Variants in GALNT10 observed in about 807,000 individuals in gnomAD.
The protein encoded by GALNT10 is polypeptide N-acetylgalactosaminyltransferase 10.
In GALNT10, 41 loss-of-function variants were observed where a neutral mutation model predicts 75.0. That is an observed-to-expected ratio of 0.55 (90% CI 0.43 to 0.71). The LOEUF (loss-of-function observed/expected upper bound fraction) is 0.71. Among genes scored for constraint, GALNT10 ranks in the 30% least tolerant of loss-of-function variants. The probability of loss-of-function intolerance (pLI) is 0.00; values close to 1 mark genes in which losing one functional copy is unlikely to be tolerated. For missense variants in GALNT10, 727 were observed against 818.5 expected, an observed-to-expected ratio of 0.89 and a Z score of 1.36; for synonymous variants, 302 against 313.0, an observed-to-expected ratio of 0.96 and a Z score of 0.37.
At chr5:154,296,957 C>A (rs1426369898) in intron 2 of GALNT10, among the ~76,000 whole-genome samples, 1 of 152,194 alleles carries the variant, frequency 6.6e-6, no homozygotes, top group Non-Finnish European at 1.5e-5. Flanking sequence ...CAGCTTGCAC[C>A]TTCCTGGAAA....
intron 1 of GALNT10, among the ~76,000 whole-genome samples, chr5:154,215,676 A>G (rs994427938): frequency 1.3e-5 from 2 of 152,204 alleles, no homozygotes; most frequent in Non-Finnish European, 2.9e-5. Context: ...GAATACTGTC[A>G]TGGTTAAAAA....
At chr5:154,386,803 G>A (rs967703950) in intron 7 of GALNT10, 22 of 440,332 alleles carry the variant, frequency 5.0e-5, no homozygotes, top group Non-Finnish European at 7.6e-5. Flanking sequence ...AACAGGATAC[G>A]TAGGCCTAGA....
At chr5:154,366,802 A>G (rs1405468782) in intron 4 of GALNT10, among the ~76,000 whole-genome samples, 6 of 152,230 alleles carry the variant, frequency 3.9e-5, no homozygotes, top group Non-Finnish European at 1.5e-5. Context: ...AAGCAATGCA[A>G]TGATAGTCCT....
chr5:154,253,706 C>CT lies in GALNT10; in HGVS notation c.160-41085dup, dbSNP rs33933907. The stretch of plus-strand genomic sequence containing the variant: ...CTTTTCTAACTTCATAAAGCCTCCT[C>CT]TTTTTTTTTTTTTTTTTTTTTTTTT... On this transcript the variant is annotated intron_variant, in intron 1 of 11. Coordinates refer to ENST00000297107, the MANE Select transcript of GALNT10 (RefSeq NM_198321.4). Among the ~76,000 whole-genome samples the CT allele has an allele frequency of 6.1e-3, 445 of 72,488 alleles. 1 individual carries two copies. The highest frequency in any genetic ancestry group is 9.8e-3 in the Middle Eastern group (1 of 102). 47.6% of individuals were successfully genotyped at this position (72,488 alleles called of 152,430 possible).
chr5:154,404,360 A>G (rs898688866), intron 8 of GALNT10, 149 bp downstream of exon 8: 1 of 580,074 alleles, frequency 1.7e-6, no homozygotes, highest in Non-Finnish European at 3.1e-6. Flanking sequence ...GATTTAAAAG[A>G]ACTCCCTTAA....
intron 1 of GALNT10, among the ~76,000 whole-genome samples, chr5:154,276,934 G>A (rs1229303219): frequency 6.6e-6 from 1 of 152,134 alleles, no homozygotes; most frequent in Non-Finnish European, 1.5e-5. Flanking sequence ...AAACAGTTCT[G>A]TTTCTATTTT....
chr5:154,256,358 T>G (rs1753613208), intron 1 of GALNT10, among the ~76,000 whole-genome samples: 1 of 151,598 alleles, frequency 6.6e-6, no homozygotes, highest in African/African-American at 2.4e-5. Flanking sequence ...TTTTTGTTTT[T>G]TTTTTTTTAA....
At chr5:154,249,642 A>G (rs550737652) in intron 1 of GALNT10, among the ~76,000 whole-genome samples, 14 of 152,252 alleles carry the variant, frequency 9.2e-5, no homozygotes, top group Admixed American at 7.9e-4. Flanking sequence ...AACTGTGGTC[A>G]GGGCCAAGAC....
intron 3 of GALNT10, among the ~76,000 whole-genome samples, chr5:154,319,453 C>T (rs914172681): frequency 6.6e-6 from 1 of 152,192 alleles, no homozygotes; most frequent in Non-Finnish European, 1.5e-5. Context: ...TAAATAAATA[C>T]TACCTGGATT....
At chr5:154,379,728 C>G (rs1185968892) in intron 5 of GALNT10, among the ~76,000 whole-genome samples, 1 of 152,242 alleles carries the variant, frequency 6.6e-6, no homozygotes, top group African/African-American at 2.4e-5. Flanking sequence ...CCATCTAAGT[C>G]AAGACCCCCC....
chr5:154,191,018 C>A lies in GALNT10; in HGVS notation c.152C>A (p.Ala51Glu). ...TCGGGGGCGGCGGTGGCGCCGGCGG[C>A]GGGACAGGTGAGTCCCCCCGTTGCT... ...GGSGAAVAPA[A>E]GQGSHSRQKK... Residue 51 changes from alanine (A) to glutamate (E), a missense_variant, in exon 1 of 12, where the codon GCG (alanine) becomes GAG (glutamate). Transcript: ENST00000297107. The A allele has an allele frequency of 6.9e-7, 1 of 1,451,772 alleles. No individual in the cohort carries two copies. Among genetic ancestry groups the A allele is most frequent in the Non-Finnish European group, 9.1e-7 (1 of 1,096,510 alleles). The allele number at this position is 1,451,772 out of a possible 1,614,324, so 89.9% of individuals were successfully genotyped here.
intron 1 of GALNT10, among the ~76,000 whole-genome samples, chr5:154,246,705 A>G (rs1753431519): frequency 6.6e-6 from 1 of 152,148 alleles, no homozygotes; most frequent in Non-Finnish European, 1.5e-5. Context: ...GATTCTGGAT[A>G]TTAGCCCTTT....
intron 4 of GALNT10, among the ~76,000 whole-genome samples, chr5:154,346,139 C>CGCGT (rs1755120911): frequency 6.8e-6 from 1 of 147,718 alleles, no homozygotes; most frequent in African/African-American, 2.5e-5. Context: ...TTCGTGTGTG[C>CGCGT]GTGTGTGTGT....
At chr5:154,395,335 C>T (rs1272707719) in intron 7 of GALNT10, among the ~76,000 whole-genome samples, 2 of 152,168 alleles carry the variant, frequency 1.3e-5, no homozygotes, top group African/African-American at 4.8e-5. Context: ...GGTTCTAGTG[C>T]AAATTCAATG....
intron 1 of GALNT10, among the ~76,000 whole-genome samples, chr5:154,206,931 T>C (rs903121697): frequency 2.6e-5 from 4 of 152,214 alleles, no homozygotes; most frequent in African/African-American, 4.8e-5. Context: ...TTGGAGGCTA[T>C]TGGGGTGGAG....
intron 4 of GALNT10, among the ~76,000 whole-genome samples, chr5:154,362,231 C>G (rs1206115791): frequency 6.6e-6 from 1 of 152,184 alleles, no homozygotes; most frequent in Non-Finnish European, 1.5e-5. Flanking sequence ...TGAGCCTGTG[C>G]TAACAAATCG....
rs148427956 is a variant in GALNT10 at position 154,353,108 on chromosome 5, C to T, written c.569-23169C>T. Among the ~76,000 whole-genome samples the T allele has an allele frequency of 2.6e-5, 4 of 152,284 alleles. No individual in the cohort carries two copies. The East Asian group carries it at 7.7e-4, about 29-fold the overall frequency. ...TACTTACTCAGCAGATGTTCCTCCA[C>T]ACGGATTGCTGTGTCAGGACCTTGG... On this transcript the variant is annotated intron_variant, in intron 4 of 11. Transcript: ENST00000297107.
intron 1 of GALNT10, among the ~76,000 whole-genome samples, chr5:154,288,762 C>T (rs1310767913): frequency 6.6e-6 from 1 of 152,150 alleles, no homozygotes; most frequent in African/African-American, 2.4e-5. Flanking sequence ...CTTAAAATTA[C>T]CTCTGGATTG....
In GALNT10 at chr5:154,386,308, G is replaced by C. The variant is rs1201472365; in HGVS notation, c.939-5G>C. On this transcript the variant is annotated splice_polypyrimidine_tract_variant and splice_region_variant and intron_variant, in intron 6 of 11. Coordinates refer to ENST00000297107, the MANE Select transcript of GALNT10 (RefSeq NM_198321.4). ...CCTTCACACCATGTTCTTCTTCTCT[G>C]ACAGGTCTCCCGTGATGGCCGGTGG... 5 of 1,608,926 alleles carry C rather than the reference G, an allele frequency of 3.1e-6. No homozygotes were observed. The Admixed American group carries it at 6.7e-5, about 21-fold the overall frequency.
Sources: gnomAD v4.1 joint callset for allele counts (sites outside exome capture counted in the v4.1 genomes callset) on GRCh38, gnomAD v4.1.1 for gene constraint, MANE v1.5 for transcripts, NCBI Gene and HGNC (gene_info 2026-07-23, HGNC 2026-07-21) for gene names.